SRPK2: variants seen among roughly 807,000 people sequenced by gnomAD.
SRPK2 encodes the protein SFRS protein kinase 2.
Under a neutral mutation model 90.8 loss-of-function variants are expected in SRPK2, and 21 were observed. The observed-to-expected ratio is 0.23, with a 90% confidence interval of 0.16 to 0.33. The LOEUF (loss-of-function observed/expected upper bound fraction) is 0.33. Among genes scored for constraint, SRPK2 ranks in the 10% least tolerant of loss-of-function variants. The probability of loss-of-function intolerance (pLI) is 1.00; values close to 1 mark genes in which losing one functional copy is unlikely to be tolerated. For missense variants in SRPK2, 620 were observed against 869.0 expected, an observed-to-expected ratio of 0.71 and a Z score of 3.60; for synonymous variants, 288 against 311.1, an observed-to-expected ratio of 0.93 and a Z score of 0.78.
rs1316775048 is a variant in SRPK2 at position 105,383,368 on chromosome 7, C to G, written c.71+5280G>C. ...AGGCATGAGCCACCGCACCCGGCCT[C>G]AAAATTAAATGTTTTAATAAAAATT... is the stretch of plus-strand genomic sequence containing the variant. On this transcript the variant is annotated intron_variant, in intron 2 of 15. Coordinates refer to ENST00000393651, the MANE Select transcript of SRPK2 (RefSeq NM_182692.3). 9.5e-5 allele frequency among the ~76,000 whole-genome samples: 14 copies of G among 146,900 alleles called. No individual in the cohort carries two copies. In the South Asian group the frequency reaches 2.9e-3, roughly 30 times the overall value.
chr7:105,260,457 T>C (rs1390162010), intron 2 of SRPK2, among the ~76,000 whole-genome samples: 1 of 152,182 alleles, frequency 6.6e-6, no homozygotes, highest in Non-Finnish European at 1.5e-5. Flanking sequence ...AGTTCAACCA[T>C]TGTGGAAGAC....
At chr7:105,317,688 A>AT (rs1812462196) in intron 2 of SRPK2, among the ~76,000 whole-genome samples, 1 of 152,246 alleles carries the variant, frequency 6.6e-6, no homozygotes, top group Non-Finnish European at 1.5e-5. Context: ...TCTGTCTTCA[A>AT]TTAAGCCAGA....
At chr7:105,266,037 C>G (rs1421939758) in intron 2 of SRPK2, among the ~76,000 whole-genome samples, 3 of 152,002 alleles carry the variant, frequency 2.0e-5, no homozygotes, top group Non-Finnish European at 4.4e-5. Context: ...TCCATAACTC[C>G]CCTACAAAAT....
At chr7:105,290,171 A>G (rs998304007) in intron 2 of SRPK2, among the ~76,000 whole-genome samples, 4 of 148,612 alleles carry the variant, frequency 2.7e-5, no homozygotes, top group Non-Finnish European at 4.4e-5. Context: ...AAGAATTACC[A>G]AACTAACACA....
Position 105,203,758 on chromosome 7 carries a change from T to A in SRPK2, c.99A>T (p.Leu33Phe), listed in dbSNP as rs755541051. ...GTGGTGGCGGTGGAGGAGGAGGAAC[T>A]AAAGGAGCTTTCTGTTGAGGCTCCG... ...KKPEPQQKAPLVPPPPPPPPP... is the reference protein window; with the variant it reads ...KKPEPQQKAPFVPPPPPPPPP... Residue 33 changes from leucine (L) to phenylalanine (F), a missense_variant, in exon 3 of 16, where the codon TTA (leucine) becomes TTT (phenylalanine). Coordinates refer to ENST00000393651, the MANE Select transcript of SRPK2 (RefSeq NM_182692.3). 1.9e-6 allele frequency: 3 copies of A among 1,600,084 alleles called. No homozygotes were observed. The highest frequency in any genetic ancestry group is 2.6e-6 in the Non-Finnish European group (3 of 1,173,134).
chr7:105,324,819 G>A (rs1585712013), intron 2 of SRPK2, among the ~76,000 whole-genome samples: 2 of 152,124 alleles, frequency 1.3e-5, no homozygotes, highest in South Asian at 2.1e-4. Context: ...CCACGGAGGC[G>A]GAGGTTGCAG....
intron 7 of SRPK2, among the ~76,000 whole-genome samples, chr7:105,149,049 T>C (rs1045337151): frequency 6.6e-6 from 1 of 152,194 alleles, no homozygotes; most frequent in African/African-American, 2.4e-5. Flanking sequence ...CCTCGTGGGA[T>C]GAGAAAGACC....
intron 2 of SRPK2, among the ~76,000 whole-genome samples, chr7:105,337,032 C>T (rs1815175151): frequency 6.6e-6 from 1 of 152,028 alleles, no homozygotes; most frequent in Non-Finnish European, 1.5e-5. Context: ...GAACTCCTGA[C>T]CTCAAGTGAG....
chr7:105,124,968 C>T (rs1800960936), intron 15 of SRPK2, among the ~76,000 whole-genome samples: 1 of 151,676 alleles, frequency 6.6e-6, no homozygotes, highest in South Asian at 2.1e-4. Context: ...CCTGTCTCTA[C>T]TAAAAATACA....
intron 7 of SRPK2, among the ~76,000 whole-genome samples, chr7:105,149,551 C>T (rs1265895281): frequency 6.6e-6 from 1 of 152,198 alleles, no homozygotes; most frequent in Non-Finnish European, 1.5e-5. Flanking sequence ...CGCCAGTCCC[C>T]TGGGCCCACT....
At chr7:105,186,939 G>A (rs1212381891) in intron 3 of SRPK2, among the ~76,000 whole-genome samples, 1 of 152,162 alleles carries the variant, frequency 6.6e-6, no homozygotes, top group Non-Finnish European at 1.5e-5. Context: ...TAGCCCAGGG[G>A]CCAGATGTAA....
chr7:105,214,598 C>A (rs753073134), intron 2 of SRPK2, among the ~76,000 whole-genome samples: 46 of 152,110 alleles, frequency 3.0e-4, no homozygotes, highest in Middle Eastern at 3.4e-3. Context: ...AAGGATGAGG[C>A]AGAAGAAACA....
In SRPK2 at chr7:105,160,633, C is replaced by A; in HGVS notation, c.515-20G>T. ...AGACATCTGGGACACAGTTAAGGAT[C>A]GTTTGTGGATGCACTGCCTGGAGTG... On this transcript the variant is annotated intron_variant, in intron 6 of 15. Coordinates refer to ENST00000393651, the MANE Select transcript of SRPK2 (RefSeq NM_182692.3). 6.7e-7 allele frequency: 1 copy of A among 1,489,724 alleles called. No individual in the cohort carries two copies. Among genetic ancestry groups the A allele is most frequent in the South Asian group, 1.1e-5 (1 of 88,062 alleles). The allele number at this position is 1,489,724 out of a possible 1,614,324, so 92.3% of individuals were successfully genotyped here.
At chr7:105,336,612 C>T (rs1404936815) in intron 2 of SRPK2, among the ~76,000 whole-genome samples, 1 of 152,126 alleles carries the variant, frequency 6.6e-6, no homozygotes, top group African/African-American at 2.4e-5. Flanking sequence ...CTATAGCAAT[C>T]TCTCCTCTAA....
rs550603970 is a variant in SRPK2, at chr7:105,163,109, G to A, written c.515-2496C>T. On this transcript the variant is annotated intron_variant, in intron 6 of 15. Transcript: ENST00000393651. The stretch of plus-strand genomic sequence containing the variant: ...AGATGAATTTCTAAAAGAAATATGA[G>A]GGATTTTCAAAAAGTCTATGGAAAA... 3.9e-5 allele frequency among the ~76,000 whole-genome samples: 6 copies of A among 152,248 alleles called. No homozygotes were observed. In the East Asian group the frequency reaches 9.6e-4, roughly 24 times the overall value.
intron 3 of SRPK2, among the ~76,000 whole-genome samples, chr7:105,202,049 A>G (rs994128232): frequency 2.0e-5 from 3 of 152,186 alleles, no homozygotes; most frequent in African/African-American, 7.2e-5. Context: ...CTTTTACTAG[A>G]CTGCATAGAT....
At chr7:105,323,967 T>TTGTGTG (rs58288208) in intron 2 of SRPK2, among the ~76,000 whole-genome samples, 4,476 of 133,678 alleles carry the variant, frequency 0.033, 79 homozygotes, top group East Asian at 0.045. Flanking sequence ...AGACTATTCT[T>TTGTGTG]TGTGTGTGTG....
intron 13 of SRPK2, among the ~76,000 whole-genome samples, chr7:105,131,736 TAATA>T (rs1269415875): frequency 1.3e-5 from 2 of 152,134 alleles, no homozygotes; most frequent in African/African-American, 4.8e-5. Context: ...AACAGAAAAT[TAATA>T]TATTTATTCT....
At chr7:105,179,952 A>AT (rs1342811289) in intron 3 of SRPK2, among the ~76,000 whole-genome samples, 1 of 152,080 alleles carries the variant, frequency 6.6e-6, no homozygotes, top group East Asian at 1.9e-4. Context: ...AAATGGAAAA[A>AT]CAGTCCATGC....
Sources: allele counts gnomAD v4.1 joint callset (sites outside exome capture counted in the v4.1 genomes callset), GRCh38; gene constraint gnomAD v4.1.1; transcripts MANE v1.5; gene names NCBI Gene and HGNC (gene_info 2026-07-23, HGNC 2026-07-21).